Variants in HOXA10 observed in about 807,000 individuals in gnomAD.
The protein encoded by HOXA10 is homeobox protein Hox-A10.
HOXA10 carries 12 observed loss-of-function variants against 29.7 expected under a neutral mutation model. The observed-to-expected ratio is 0.40, with a 90% CI of 0.26 to 0.65. The LOEUF is 0.65. Among genes scored for constraint, HOXA10 ranks in the 30% least tolerant of loss-of-function variants. HOXA10 has a pLI of 0.37. For missense variants in HOXA10, 656 were observed against 585.9 expected (o/e 1.12, Z -1.24); for synonymous variants, 327 against 280.7 (o/e 1.16, Z -1.65).
upstream of HOXA10, chr7:27,174,384 G>C: frequency 6.4e-7 from 1 of 1,572,414 alleles, no homozygotes; most frequent in African/African-American, 1.3e-5. Flanking sequence ...TCCCGAGCCA[G>C]AGTTTCCGCG....
chr7:27,178,687 T>C (rs574107237), upstream of HOXA10, among the ~76,000 whole-genome samples: 3 of 152,274 alleles, frequency 2.0e-5, no homozygotes, highest in East Asian at 3.9e-4. Flanking sequence ...GTAACTATGA[T>C]AGGCAAAATT....
Position 27,171,132 on chromosome 7 carries a change from T to C in HOXA10, c.*767A>G, listed in dbSNP as rs1783469356. 2.2e-6 allele frequency: 1 copy of C among 452,798 alleles called. No homozygotes were observed. The highest frequency in any genetic ancestry group is 2.0e-5 in the African/African-American group (1 of 49,896). 28.0% of individuals were successfully genotyped at this position (452,798 alleles called of 1,614,324 possible). A position where few individuals can be genotyped will look rare whatever the true frequency, so the allele number is the denominator to read the frequency against. ...CATTATTTATCTACAGCCAGAAGGA[T>C]ATGGAAATTTAGAGGTAAATGAAAC... is the stretch of plus-strand genomic sequence containing the variant. On this transcript the variant is annotated 3_prime_UTR_variant, in exon 2 of 2. Coordinates refer to ENST00000283921, the MANE Select transcript of HOXA10 (RefSeq NM_018951.4).
upstream of HOXA10, among the ~76,000 whole-genome samples, chr7:27,176,827 C>G (rs1783661587): frequency 1.3e-5 from 2 of 152,266 alleles, no homozygotes; most frequent in Non-Finnish European, 2.9e-5. Flanking sequence ...TTTAGGGAGT[C>G]AGGACCCTTC....
intron 1 of HOXA10, 26 bp from the exon 2 acceptor site, chr7:27,172,199 G>A (rs370084598): frequency 2.1e-5 from 34 of 1,612,584 alleles, no homozygotes; most frequent in Non-Finnish European, 2.5e-5. Context: ...ATAAAGAGGG[G>A]ATGATTAAGT....
At position 27,171,412 on chromosome 7, in the gene HOXA10, C is replaced by T. The variant is rs573420935; in HGVS notation, c.*487G>A. 2.2e-6 allele frequency: 1 copy of T among 455,308 alleles called. No individual in the cohort carries two copies. Among genetic ancestry groups the T allele is most frequent in the South Asian group, 1.6e-5 (1 of 64,496 alleles). The allele number at this position is 455,308 out of a possible 1,614,324, so 28.2% of individuals were successfully genotyped here. A position where few individuals can be genotyped will look rare whatever the true frequency, so the allele number is the denominator to read the frequency against. On this transcript the variant is annotated 3_prime_UTR_variant, in exon 2 of 2. Transcript: ENST00000283921. ...AAAAAGAAACCCAGGGGCCTGTATCCCCTGATTAAACACAGCACAGCACTC... is the reference window on the plus strand; with the variant it reads ...AAAAAGAAACCCAGGGGCCTGTATCTCCTGATTAAACACAGCACAGCACTC...
rs1209017282 is a variant in HOXA10, at chr7:27,171,448, T to G, written c.*451A>C. 2.2e-6 allele frequency: 1 copy of G among 456,520 alleles called. No individual in the cohort carries two copies. The highest frequency in any genetic ancestry group is 2.3e-5 in the Admixed American group (1 of 42,620). The allele number at this position is 456,520 out of a possible 1,614,324, so 28.3% of individuals were successfully genotyped here. On this transcript the variant is annotated 3_prime_UTR_variant, in exon 2 of 2. Coordinates refer to ENST00000283921, the MANE Select transcript of HOXA10 (RefSeq NM_018951.4). ...CACAGCACAGCACTCCAGGCAGACA[T>G]GCCCGGTGGCGGCTCCTTTGCACCA...
rs1191425073 is a variant in HOXA10 at position 27,173,456 on chromosome 7, C to T, written c.851G>A (p.Gly284Glu). The T allele has an allele frequency of 6.3e-7, 1 of 1,575,836 alleles. No homozygotes were observed. Among genetic ancestry groups the T allele is most frequent in the Non-Finnish European group, 8.6e-7 (1 of 1,165,328 alleles). The change falls in exon 1 of 2, where the codon GGG becomes GAG. Residue 284 changes from glycine (G) to glutamate (E), a missense_variant. Physicochemically the swap from Gly to Glu is moderately conservative, Grantham distance 98. Coordinates refer to ENST00000283921, the MANE Select transcript of HOXA10 (RefSeq NM_018951.4). ...PPPTLACGSG[G>E]GSQGDEEAHA... ...CGCCTCCTCGTCGCCCTGCGAGCCC[C>T]CGCCGCTGCCGCAAGCCAGCGTGGG...
rs1783511945 is a variant in HOXA10 at position 27,172,136 on chromosome 7, C to A, written c.996G>T (p.Thr332=). The change falls in exon 2 of 2, where the codon ACG becomes ACT. Residue 332 remains threonine (T), a synonymous_variant. Coordinates refer to ENST00000283921, the MANE Select transcript of HOXA10 (RefSeq NM_018951.4). ...SKGENAANWL[T]AKSGRKKRCP... The stretch of plus-strand genomic sequence containing the variant: ...AGCGCTTCTTCCGACCACTCTTTGC[C>A]GTGAGCCAGTTGGCTGCGTTTTCAC... 6.2e-7 allele frequency: 1 copy of A among 1,613,962 alleles called. No homozygotes were observed. The highest frequency in any genetic ancestry group is 1.3e-5 in the African/African-American group (1 of 74,886).
At position 27,179,859 on chromosome 7, in the gene HOXA10, G is replaced by A. The variant is rs1317663544; in HGVS notation, c.-204C>T. On this transcript the variant is annotated 5_prime_UTR_variant, in exon 1 of 2. Coordinates refer to the HOXA10 transcript ENST00000396344. ...GAAGCGAACAAAGGCCAAGAATCAT[G>A]CTGGGGTTCCCGGCTCCCCGGCGGC... 4.3e-6 allele frequency: 3 copies of A among 691,914 alleles called. No homozygotes were observed. In the African/African-American group the frequency reaches 5.3e-5, roughly 12 times the overall value. 42.9% of individuals were successfully genotyped at this position (691,914 alleles called of 1,614,324 possible).
upstream of HOXA10, among the ~76,000 whole-genome samples, chr7:27,178,610 G>A (rs1859163): frequency 0.92 from 140,682 of 152,284 alleles, 65,161 homozygotes; most frequent in Middle Eastern, 0.99. Context: ...TCACTGGGTG[G>A]GCGCTCATTT....
chr7:27,175,804 C>T (rs774364027), upstream of HOXA10, among the ~76,000 whole-genome samples: 9 of 152,226 alleles, frequency 5.9e-5, no homozygotes, highest in East Asian at 1.3e-3. Context: ...GGAAATAGAC[C>T]GCTCAGGCCG....
chr7:27,178,762 T>A (rs1486045463), upstream of HOXA10, among the ~76,000 whole-genome samples: 1 of 152,120 alleles, frequency 6.6e-6, no homozygotes, highest in African/African-American at 2.4e-5. Context: ...CACTGTATAT[T>A]TGGGAAAAGA....
At position 27,173,855 on chromosome 7, in the gene HOXA10, G is replaced by C; in HGVS notation, c.452C>G (p.Ala151Gly). Residue 151 changes from alanine (A) to glycine (G), a missense_variant, in exon 1 of 2, where the codon GCG becomes GGG. Coordinates refer to ENST00000283921, the MANE Select transcript of HOXA10 (RefSeq NM_018951.4). The part of the protein sequence containing the change: ...PPPPPQPPQP[A>G]PQATSCSFAQ... ...GAAAGAGCACGAGGTGGCCTGCGGCGCTGGCTGGGGTGGTTGCGGCGGGGG... is the reference window on the plus strand; with the variant it reads ...GAAAGAGCACGAGGTGGCCTGCGGCCCTGGCTGGGGTGGTTGCGGCGGGGG... 4 of 1,605,816 alleles carry C rather than the reference G, an allele frequency of 2.5e-6. No homozygotes were observed. The highest frequency in any genetic ancestry group is 3.4e-6 in the Non-Finnish European group (4 of 1,176,696).
chr7:27,173,945 GCGT>G lies in HOXA10; in HGVS notation c.359_361del (p.Asp120del). 6.6e-7 allele frequency: 1 copy of G among 1,524,862 alleles called. No individual in the cohort carries two copies. 94.5% of individuals were successfully genotyped at this position (1,524,862 alleles called of 1,614,324 possible). A position where few individuals can be genotyped will look rare whatever the true frequency, so the allele number is the denominator to read the frequency against. The stretch of plus-strand genomic sequence containing the variant: ...CGGCTCCATCCGGCAAGACCGGGGC[GCGT>G]CTAGCCACAGGTCTATGGGCGAGGG... On this transcript the variant is annotated inframe_deletion, in exon 1 of 2. Transcript: ENST00000283921.
At chr7:27,174,416 C>A, upstream of HOXA10, 2 of 1,532,006 alleles carry the variant, frequency 1.3e-6, no homozygotes, top group Non-Finnish European at 1.7e-6. Context: ...AGTTTGGTTT[C>A]GTAGGCGCGG....
intron 1 of HOXA10, among the ~76,000 whole-genome samples, 194 bp downstream of exon 1, chr7:27,173,155 G>A (rs560868065): frequency 1.1e-3 from 167 of 152,324 alleles, no homozygotes; most frequent in African/African-American, 3.4e-3. Context: ...TCTTGCTGTG[G>A]GGCGCTAAGC....
chr7:27,175,585 A>G (rs11981750), upstream of HOXA10, among the ~76,000 whole-genome samples: 592 of 152,302 alleles, frequency 3.9e-3, 2 homozygotes, highest in African/African-American at 0.014. Context: ...GTTTTAGCCA[A>G]CTGGAAATGG....
At chr7:27,172,681 TC>T (rs1416038162) in intron 1 of HOXA10, 3 of 178,776 alleles carry the variant, frequency 1.7e-5, no homozygotes, top group Non-Finnish European at 3.6e-5. Context: ...AAAAACCGAT[TC>T]GGGGGTCAAG....
chr7:27,171,860 C>A lies in HOXA10; in HGVS notation c.*39G>T. ...CCTGAAGACAGAGGGAGGGGACCAG[C>A]GCTCGGGAAGTGAAAAAACCGCGTC... On this transcript the variant is annotated 3_prime_UTR_variant, in exon 2 of 2. Coordinates refer to ENST00000283921, the MANE Select transcript of HOXA10 (RefSeq NM_018951.4). The A allele has an allele frequency of 6.2e-7, 1 of 1,611,140 alleles. No individual in the cohort carries two copies. Among genetic ancestry groups the A allele is most frequent in the Non-Finnish European group, 8.5e-7 (1 of 1,177,556 alleles).
Sources: allele counts gnomAD v4.1 joint callset (sites outside exome capture counted in the v4.1 genomes callset), GRCh38; gene constraint gnomAD v4.1.1; transcripts MANE v1.5; gene names NCBI Gene and HGNC (gene_info 2026-07-23, HGNC 2026-07-21).